Variants in HDLBP observed in about 807,000 individuals in gnomAD.
HDLBP encodes high density lipoprotein binding protein, also known as vigilin.
In HDLBP, 30 loss-of-function variants were observed where a neutral mutation model predicts 137.3. The observed-to-expected ratio is 0.22, with a 90% CI of 0.16 to 0.30. HDLBP has a LOEUF of 0.30. Ranked by LOEUF, HDLBP falls within the 10% of genes least tolerant of loss-of-function variation. The probability of loss-of-function intolerance (pLI) is 1.00; values close to 1 mark genes in which losing one functional copy is unlikely to be tolerated. For missense variants in HDLBP, 1,119 were observed against 1,667.3 expected (o/e 0.67, Z 5.73); for synonymous variants, 606 against 596.0 (o/e 1.02, Z -0.24).
At chr2:241,314,462 G>T (rs776431919) in intron 1 of HDLBP, among the ~76,000 whole-genome samples, 11 of 152,290 alleles carry the variant, frequency 7.2e-5, no homozygotes, top group Non-Finnish European at 1.5e-4. Context: ...AAATAAATGT[G>T]AAGTCATTGA....
chr2:241,273,188 A>G (rs2074243632), intron 1 of HDLBP: 1 of 985,352 alleles, frequency 1.0e-6, no homozygotes, highest in African/African-American at 1.7e-5. Flanking sequence ...AAGGATGCCC[A>G]CCACATCGTA....
intron 22 of HDLBP, 29 bp from the exon 23 acceptor site, chr2:241,235,284 T>C (rs1041241353): frequency 6.2e-7 from 1 of 1,613,766 alleles, no homozygotes; most frequent in Non-Finnish European, 8.5e-7. Context: ...GACTTGACGT[T>C]CAGGACCCCA....
intron 17 of HDLBP, among the ~76,000 whole-genome samples, chr2:241,241,484 G>A (rs981245895): frequency 1.4e-5 from 2 of 144,694 alleles, no homozygotes; most frequent in East Asian, 2.1e-4. Context: ...GGAGAATGGC[G>A]TGAACCCAGG....
At chr2:241,271,698 T>TA (rs1454112975) in intron 1 of HDLBP, among the ~76,000 whole-genome samples, 6 of 151,892 alleles carry the variant, frequency 4.0e-5, no homozygotes, top group Non-Finnish European at 5.9e-5. Context: ...GCAAGTGCTT[T>TA]AAAGCACCAG....
At chr2:241,267,631 T>A in intron 2 of HDLBP, 2 of 1,535,720 alleles carry the variant, frequency 1.3e-6, no homozygotes, top group Non-Finnish European at 1.7e-6. Context: ...GCCAGCGGTC[T>A]CTCTCTGCAA....
Position 241,238,546 on chromosome 2 carries a change from C to A in HDLBP, c.2749+103G>T. ...CCCCCAGAATACATAGATGGTTTTC[C>A]AGCAGAGACAGGAAAGAGCCTCACC... On this transcript the variant is annotated intron_variant, in intron 20 of 27. Transcript: ENST00000310931. The surrounding 1 kb of genome is among the most constrained non-coding windows in gnomAD (Gnocchi z 4.9). 1 of 956,254 alleles carries A rather than the reference C, an allele frequency of 1.0e-6. No individual in the cohort carries two copies. Among genetic ancestry groups the A allele is most frequent in the Non-Finnish European group, 1.5e-6 (1 of 673,672 alleles). The allele number at this position is 956,254 out of a possible 1,614,324, so 59.2% of individuals were successfully genotyped here.
chr2:241,301,279 A>G (rs2075388756), intron 1 of HDLBP, among the ~76,000 whole-genome samples: 1 of 151,660 alleles, frequency 6.6e-6, no homozygotes, highest in Non-Finnish European at 1.5e-5. Context: ...GAGCCACTGC[A>G]CCCGGCCACA....
rs1200684284 is a variant in HDLBP, at chr2:241,272,703, CCCGCCCGCCCCGT to C, written c.-102-4175_-102-4163del. 7.7e-6 allele frequency: 5 copies of C among 646,450 alleles called. No individual in the cohort carries two copies. Among genetic ancestry groups the C allele is most frequent in the Middle Eastern group, 7.7e-4 (1 of 1,292 alleles). 40.0% of individuals were successfully genotyped at this position (646,450 alleles called of 1,614,324 possible). On this transcript the variant is annotated intron_variant, in intron 1 of 27. Coordinates refer to ENST00000310931, the MANE Select transcript of HDLBP (RefSeq NM_005336.6). This position sits in a 1 kb window ranked among gnomAD's most constrained non-coding sequence, Gnocchi z 5.6. Reference sequence around the variant, plus strand: ...CACCCCCCACCCCCCCGCCCGGCAGCCCGCCCGCCCCGTCCGCCCGCCCGCCCAGGCCTCCCAG... The same window carrying C: ...CACCCCCCACCCCCCCGCCCGGCAGCCCGCCCGCCCGCCCAGGCCTCCCAG...
At chr2:241,248,737 A>G (rs2071877215) in intron 12 of HDLBP, among the ~76,000 whole-genome samples, 1 of 152,206 alleles carries the variant, frequency 6.6e-6, no homozygotes, top group South Asian at 2.1e-4. Context: ...GAGGCCTGGC[A>G]TTCTGCATAG....
chr2:241,302,087 A>C (rs1194564453), intron 1 of HDLBP, among the ~76,000 whole-genome samples: 1 of 129,630 alleles, frequency 7.7e-6, no homozygotes, highest in African/African-American at 3.2e-5. Flanking sequence ...TCCCATCTCT[A>C]CAAAAAAAAA....
chr2:241,268,572 G>A (rs1051954667), intron 1 of HDLBP, 31 bp from the exon 2 acceptor site: 8 of 865,014 alleles, frequency 9.2e-6, no homozygotes, highest in Non-Finnish European at 1.1e-5. Flanking sequence ...GGAGAGGAGA[G>A]AGAGGAAACC....
At chr2:241,281,092 A>C (rs538559711) in intron 1 of HDLBP, among the ~76,000 whole-genome samples, 1 of 152,330 alleles carries the variant, frequency 6.6e-6, no homozygotes, top group South Asian at 2.1e-4. Context: ...GCGGTGGCTC[A>C]CGCCTGTAAT....
Position 241,253,017 on chromosome 2 carries a change from C to G in HDLBP, c.1312G>C (p.Val438Leu). The change falls in exon 11 of 28, where the codon GTG (valine) becomes CTG (leucine). Residue 438 changes from valine to leucine, a missense_variant. Coordinates refer to ENST00000310931, the MANE Select transcript of HDLBP (RefSeq NM_005336.6). ...AACTTGTGGTCGATGTTGATCTCCA[C>G]ATAGTCCATCCGGTTAATCTGCAGG... ...VKDLINRMDY[V>L]EINIDHKFHR... 3 of 1,607,136 alleles carry G rather than the reference C, an allele frequency of 1.9e-6. No individual in the cohort carries two copies. Among genetic ancestry groups the G allele is most frequent in the Non-Finnish European group, 1.7e-6 (2 of 1,174,098 alleles).
At chr2:241,305,173 G>A (rs1176955432) in intron 1 of HDLBP, among the ~76,000 whole-genome samples, 3 of 152,224 alleles carry the variant, frequency 2.0e-5, no homozygotes, top group Admixed American at 2.0e-4. Context: ...TCCCAGGCTA[G>A]AGTGCAGTGG....
At chr2:241,292,943 G>A (rs901407431) in intron 1 of HDLBP, among the ~76,000 whole-genome samples, 7 of 152,148 alleles carry the variant, frequency 4.6e-5, no homozygotes, top group East Asian at 3.9e-4. Flanking sequence ...TGAGGCAGGA[G>A]GATCACTTGA....
chr2:241,279,713 A>G (rs531449436), intron 1 of HDLBP, among the ~76,000 whole-genome samples: 72 of 152,358 alleles, frequency 4.7e-4, no homozygotes, highest in Admixed American at 9.1e-4. Flanking sequence ...TGCAAGGCCT[A>G]TTAAGGCTTA....
At position 241,272,484 on chromosome 2, in the gene HDLBP, G is replaced by T; in HGVS notation, c.-102-3943C>A. On this transcript the variant is annotated intron_variant, in intron 1 of 27. Coordinates refer to ENST00000310931, the MANE Select transcript of HDLBP (RefSeq NM_005336.6). The surrounding 1 kb of genome is among the most constrained non-coding windows in gnomAD (Gnocchi z 5.6). ...CAAGAGCGGCCCAGCGGCGCCACCG[G>T]ACTTGAGAAAGTTTGTGCGCGCCCC... 1 of 984,550 alleles carries T rather than the reference G, an allele frequency of 1.0e-6. No individual in the cohort carries two copies. The highest frequency in any genetic ancestry group is 1.2e-6 in the Non-Finnish European group (1 of 829,644). The allele number at this position is 984,550 out of a possible 1,614,324, so 61.0% of individuals were successfully genotyped here. A position where few individuals can be genotyped will look rare whatever the true frequency, so the allele number is the denominator to read the frequency against.
At chr2:241,280,182 C>G (rs1253658067) in intron 1 of HDLBP, 1 of 935,700 alleles carries the variant, frequency 1.1e-6, no homozygotes, top group Non-Finnish European at 1.3e-6. Flanking sequence ...TGTTTCCATC[C>G]CATTTGAAAG....
chr2:241,293,590 T>TG (rs1295706961), intron 1 of HDLBP, among the ~76,000 whole-genome samples: 7 of 149,016 alleles, frequency 4.7e-5, no homozygotes, highest in Admixed American at 1.3e-4. Context: ...CCAGCCTGGG[T>TG]GACAGAGCGA....
Sources: gnomAD v4.1 joint callset for allele counts (sites outside exome capture counted in the v4.1 genomes callset) on GRCh38, gnomAD v4.1.1 for gene constraint, Gnocchi (gnomAD v3.1) non-coding constraint, MANE v1.5 for transcripts, NCBI Gene and HGNC (gene_info 2026-07-23, HGNC 2026-07-21) for gene names.